PDZD2: variants seen among roughly 807,000 people sequenced by gnomAD.
PDZD2 encodes PDZ domain containing 2.
Under a neutral mutation model 220.7 loss-of-function variants are expected in PDZD2, and 90 were observed. The observed-to-expected ratio is 0.41, with a 90% CI of 0.34 to 0.49. The LOEUF (loss-of-function observed/expected upper bound fraction) is 0.49, where lower values mean the gene tolerates loss of function less well. Among genes scored for constraint, PDZD2 ranks in the 20% least tolerant of loss-of-function variants. The pLI is 0.28. For missense variants in PDZD2, 3,174 were observed against 3,608.5 expected, an observed-to-expected ratio of 0.88 and a Z score of 3.08; for synonymous variants, 1,375 against 1,450.5, an observed-to-expected ratio of 0.95 and a Z score of 1.18.
At chr5:31,812,239 G>A (rs1255912626) in intron 2 of PDZD2, among the ~76,000 whole-genome samples, 5 of 152,044 alleles carry the variant, frequency 3.3e-5, no homozygotes, top group South Asian at 2.1e-4. Context: ...AAGGTGAGAA[G>A]CCTGAAAAGA....
chr5:31,924,138 C>T (rs1744534400), intron 2 of PDZD2, among the ~76,000 whole-genome samples: 1 of 152,196 alleles, frequency 6.6e-6, no homozygotes, highest in Non-Finnish European at 1.5e-5. Flanking sequence ...TCCAAGCTCT[C>T]CCCACAGTCT....
At chr5:31,917,871 A>G (rs914799402) in intron 2 of PDZD2, among the ~76,000 whole-genome samples, 2 of 152,090 alleles carry the variant, frequency 1.3e-5, no homozygotes, top group Non-Finnish European at 2.9e-5. Flanking sequence ...TCCTGAGTAG[A>G]TGGGACTACA....
chr5:32,031,145 G>A (rs572535912), intron 6 of PDZD2, among the ~76,000 whole-genome samples: 1 of 152,188 alleles, frequency 6.6e-6, no homozygotes, highest in African/African-American at 2.4e-5. Context: ...TCAGGTCCCA[G>A]TCACCCCCAC....
chr5:31,815,793 T>A (rs1033701532), intron 2 of PDZD2, among the ~76,000 whole-genome samples: 2 of 152,178 alleles, frequency 1.3e-5, no homozygotes, highest in Non-Finnish European at 2.9e-5. Flanking sequence ...ACCCTGAAAA[T>A]TTTGTAAAAA....
intron 5 of PDZD2, among the ~76,000 whole-genome samples, chr5:32,003,946 A>C (rs1752604125): frequency 6.6e-6 from 1 of 152,148 alleles, no homozygotes; most frequent in Non-Finnish European, 1.5e-5. Context: ...TCCTGACCTC[A>C]GGTGATCCAC....
rs1003122206 is a variant in PDZD2, at chr5:31,639,858, G to C, written c.-361+421G>C. ...GTACTCCGGCCTCAGGTAATGTCTT[G>C]GGGACCATCCTCCCTCGGGCTTGTT... is the stretch of plus-strand genomic sequence containing the variant. On this transcript the variant is annotated intron_variant, in intron 1 of 24. Coordinates refer to ENST00000438447, the MANE Select transcript of PDZD2 (RefSeq NM_178140.4). This position sits in a 1 kb window ranked among gnomAD's most constrained non-coding sequence, Gnocchi z 4.1. 4.6e-5 allele frequency among the ~76,000 whole-genome samples: 7 copies of C among 152,174 alleles called. No homozygotes were observed. The highest frequency in any genetic ancestry group is 9.6e-5 in the African/African-American group (4 of 41,456).
chr5:31,760,471 T>C (rs1207545270), intron 1 of PDZD2, among the ~76,000 whole-genome samples: 1 of 152,166 alleles, frequency 6.6e-6, no homozygotes, highest in African/African-American at 2.4e-5. Flanking sequence ...TGGAGATCTT[T>C]GGGAGAAAGT....
chr5:31,722,384 TC>T (rs1249052556), intron 1 of PDZD2, among the ~76,000 whole-genome samples: 1 of 151,276 alleles, frequency 6.6e-6, no homozygotes, highest in African/African-American at 2.4e-5. Flanking sequence ...GCCTGCCCCC[TC>T]CCCTGGAACC....
At chr5:31,648,709 C>A (rs1745227267) in intron 1 of PDZD2, among the ~76,000 whole-genome samples, 2 of 151,268 alleles carry the variant, frequency 1.3e-5, no homozygotes, top group South Asian at 4.2e-4. Flanking sequence ...TTTAGGTTCA[C>A]AGCCAAATTG....
At chr5:31,760,693 G>A (rs562110309) in intron 1 of PDZD2, among the ~76,000 whole-genome samples, 9 of 152,220 alleles carry the variant, frequency 5.9e-5, no homozygotes, top group East Asian at 5.8e-4. Context: ...AGGCCAAGTC[G>A]GGCGGATCGC....
At chr5:31,988,206 G>A (rs879495170) in intron 3 of PDZD2, among the ~76,000 whole-genome samples, 10 of 152,162 alleles carry the variant, frequency 6.6e-5, no homozygotes, top group Non-Finnish European at 1.2e-4. Context: ...GCTGAAACCC[G>A]TTTGGTGGGT....
chr5:32,038,484 G>T (rs1755743623), intron 7 of PDZD2, among the ~76,000 whole-genome samples: 1 of 151,894 alleles, frequency 6.6e-6, no homozygotes, highest in East Asian at 1.9e-4. Context: ...TTGCAGTGAG[G>T]CCAGATCACA....
chr5:31,767,180 C>T (rs1201463201), intron 1 of PDZD2, among the ~76,000 whole-genome samples: 5 of 151,766 alleles, frequency 3.3e-5, no homozygotes, highest in Non-Finnish European at 5.9e-5. Flanking sequence ...TACAGGTGCC[C>T]GCCACCATGC....
At chr5:32,104,143 C>T (rs1744510364) in intron 24 of PDZD2, among the ~76,000 whole-genome samples, 1 of 151,898 alleles carries the variant, frequency 6.6e-6, no homozygotes, top group African/African-American at 2.4e-5. Context: ...CATGGTGGCT[C>T]ATGCTTGTAA....
At chr5:32,015,779 T>C (rs1753742012) in intron 6 of PDZD2, among the ~76,000 whole-genome samples, 1 of 151,858 alleles carries the variant, frequency 6.6e-6, no homozygotes, top group Non-Finnish European at 1.5e-5. Flanking sequence ...GAGGAAGAGT[T>C]TCAGTATAAT....
intron 19 of PDZD2, among the ~76,000 whole-genome samples, chr5:32,082,330 T>C (rs879795081): frequency 1.9e-4 from 29 of 152,044 alleles, no homozygotes; most frequent in Admixed American, 7.9e-4. Context: ...CCAAAACATA[T>C]CTTTTTTAAA....
At chr5:32,103,165 C>CAGA (rs1409340467) in intron 24 of PDZD2, among the ~76,000 whole-genome samples, 4 of 151,926 alleles carry the variant, frequency 2.6e-5, no homozygotes, top group Non-Finnish European at 5.9e-5. Context: ...AAGAATTTTC[C>CAGA]AGAAGTGAAA....
intron 2 of PDZD2, among the ~76,000 whole-genome samples, chr5:31,901,842 A>G (rs936971384): frequency 1.3e-5 from 2 of 152,176 alleles, no homozygotes; most frequent in African/African-American, 2.4e-5. Flanking sequence ...TTTTCTGGAC[A>G]CTTCATGTAA....
chr5:32,028,486 G>A (rs904751274), intron 6 of PDZD2, among the ~76,000 whole-genome samples: 1 of 152,010 alleles, frequency 6.6e-6, no homozygotes, highest in Non-Finnish European at 1.5e-5. Context: ...GATATAAAAT[G>A]TCAACATAAT....
Sources: allele counts gnomAD v4.1 joint callset (sites outside exome capture counted in the v4.1 genomes callset), GRCh38; gene constraint gnomAD v4.1.1; non-coding constraint Gnocchi (gnomAD v3.1); transcripts MANE v1.5; gene names NCBI Gene and HGNC (gene_info 2026-07-23, HGNC 2026-07-21).